Variants in ZDHHC21 observed in about 807,000 individuals in gnomAD.
ZDHHC21 encodes zDHHC palmitoyltransferase 21.
ZDHHC21 carries 15 observed loss-of-function variants against 34.6 expected under a neutral mutation model. The observed-to-expected ratio is 0.43, with a 90% confidence interval of 0.29 to 0.67. ZDHHC21 has a LOEUF of 0.67. Among genes scored for constraint, ZDHHC21 ranks in the 30% least tolerant of loss-of-function variants. The pLI is 0.14. For missense variants in ZDHHC21, 344 were observed against 327.7 expected, an observed-to-expected ratio of 1.05 and a Z score of -0.38; for synonymous variants, 142 against 101.8, an observed-to-expected ratio of 1.40 and a Z score of -2.38.
chr9:14,605,121 T>C, the ZDHHC21 span, among the ~76,000 whole-genome samples: 4 of 152,142 alleles, frequency 2.6e-5, no homozygotes, highest in Admixed American at 6.5e-5. Context: ...AATGGGCATT[T>C]AGGTTGTTTC....
At chr9:14,690,640 C>G (rs1003505546) in intron 1 of ZDHHC21, among the ~76,000 whole-genome samples, 1 of 152,134 alleles carries the variant, frequency 6.6e-6, no homozygotes, top group Non-Finnish European at 1.5e-5. Flanking sequence ...AAAAATGTCA[C>G]AATTTTGCCT....
intron 8 of ZDHHC21, chr9:14,622,550 C>T: frequency 1.0e-6 from 1 of 985,168 alleles, no homozygotes; most frequent in Non-Finnish European, 1.2e-6. Context: ...CCTGAGAACC[C>T]AGTCCTCTTG....
At position 14,633,033 on chromosome 9, in the gene ZDHHC21, C is replaced by T. The variant is rs559666242; in HGVS notation, c.621+6863G>A. Among the ~76,000 whole-genome samples the T allele has an allele frequency of 8.5e-5, 13 of 152,212 alleles. No individual in the cohort carries two copies. The East Asian group carries it at 2.5e-3, about 29-fold the overall frequency. On this transcript the variant is annotated intron_variant, in intron 8 of 9. Transcript: ENST00000380916. ...TTCTTTAAAAGATAAATGTAGTTTC[C>T]ATTAGACTCAGCAATTCCACTTCTA...
chr9:14,691,516 A>C (rs2131726845), intron 1 of ZDHHC21, among the ~76,000 whole-genome samples: 2 of 152,356 alleles, frequency 1.3e-5, no homozygotes, highest in East Asian at 3.9e-4. Flanking sequence ...AGTACATGTT[A>C]TGATTCATTG....
chr9:14,693,052 C>T (rs1205750802), intron 1 of ZDHHC21, among the ~76,000 whole-genome samples, 177 bp downstream of exon 1: 1 of 151,564 alleles, frequency 6.6e-6, no homozygotes, highest in Non-Finnish European at 1.5e-5. Context: ...ACCGAGAAAC[C>T]CCCGGGTTCC....
At chr9:14,636,878 C>A (rs1414611737) in intron 8 of ZDHHC21, among the ~76,000 whole-genome samples, 1 of 151,862 alleles carries the variant, frequency 6.6e-6, no homozygotes, top group African/African-American at 2.4e-5. Flanking sequence ...CGAAACATAC[C>A]AAAACCTATG....
chr9:14,690,591 C>G (rs1839019131), intron 1 of ZDHHC21, among the ~76,000 whole-genome samples: 1 of 152,090 alleles, frequency 6.6e-6, no homozygotes, highest in Non-Finnish European at 1.5e-5. Flanking sequence ...AGAAATAGCA[C>G]AGAGGAAAAA....
intron 3 of ZDHHC21, among the ~76,000 whole-genome samples, chr9:14,676,604 T>A (rs1049055768): frequency 6.6e-6 from 1 of 151,994 alleles, no homozygotes; most frequent in Non-Finnish European, 1.5e-5. Context: ...AAAACAGAAA[T>A]AGTGCCCAGG....
At chr9:14,690,418 A>C (rs1173391543) in intron 1 of ZDHHC21, 33 bp from the exon 2 acceptor site, 1 of 449,504 alleles carries the variant, frequency 2.2e-6, no homozygotes, top group Non-Finnish European at 4.4e-6. Context: ...TAAAATCAGA[A>C]GCTTGGTTGA....
chr9:14,664,126 C>G (rs1481741224), intron 5 of ZDHHC21, among the ~76,000 whole-genome samples: 1 of 152,122 alleles, frequency 6.6e-6, no homozygotes, highest in African/African-American at 2.4e-5. Context: ...GAGTGCCAGA[C>G]AGTGGGCGCA....
rs756816766 is a variant in ZDHHC21 at position 14,613,205 on chromosome 9, A to G, written c.*5761T>C. ...TTGCCAGAGCAGCATGCAAAAAATA[A>G]GATCTGTTAATCAAACTGTTCTTAG... On this transcript the variant is annotated 3_prime_UTR_variant, in exon 10 of 10. Transcript: ENST00000380916. 2.0e-5 allele frequency: 3 copies of G among 151,974 alleles called. No individual in the cohort carries two copies. Among genetic ancestry groups the G allele is most frequent in the Non-Finnish European group, 4.4e-5 (3 of 67,892 alleles). 9.4% of individuals were successfully genotyped at this position (151,974 alleles called of 1,614,324 possible). A position where few individuals can be genotyped will look rare whatever the true frequency, so the allele number is the denominator to read the frequency against.
intron 7 of ZDHHC21, among the ~76,000 whole-genome samples, chr9:14,657,137 T>C (rs1009901434): frequency 6.6e-6 from 1 of 152,044 alleles, no homozygotes; most frequent in Non-Finnish European, 1.5e-5. Flanking sequence ...TCAAACGTCT[T>C]AATACTTCAT....
intron 5 of ZDHHC21, among the ~76,000 whole-genome samples, chr9:14,663,628 T>C (rs1328300982): frequency 6.6e-6 from 1 of 152,014 alleles, no homozygotes; most frequent in African/African-American, 2.4e-5. Flanking sequence ...TGCTGGACTT[T>C]TATATAGTAA....
chr9:14,636,274 T>C (rs1161948457), intron 8 of ZDHHC21, among the ~76,000 whole-genome samples: 1 of 152,164 alleles, frequency 6.6e-6, no homozygotes, highest in African/African-American at 2.4e-5. Flanking sequence ...CTAGCTATAC[T>C]TATATCAGAT....
chr9:14,627,342 T>G (rs1826450566), intron 8 of ZDHHC21, among the ~76,000 whole-genome samples: 1 of 152,274 alleles, frequency 6.6e-6, no homozygotes, highest in South Asian at 2.1e-4. Context: ...AAGTAAACAT[T>G]AACTTGCTGA....
At chr9:14,639,035 T>A (rs945040914) in intron 8 of ZDHHC21, among the ~76,000 whole-genome samples, 1 of 152,052 alleles carries the variant, frequency 6.6e-6, no homozygotes, top group Non-Finnish European at 1.5e-5. Context: ...ACAATCAGTA[T>A]ATCAAAGGGA....
At chr9:14,603,199 C>T in the ZDHHC21 span, among the ~76,000 whole-genome samples, 2 of 151,684 alleles carry the variant, frequency 1.3e-5, no homozygotes, top group African/African-American at 4.8e-5. Flanking sequence ...TTAAACTATC[C>T]CTCAATAAAG....
the ZDHHC21 span, among the ~76,000 whole-genome samples, chr9:14,598,953 G>C: frequency 0.032 from 4,831 of 152,084 alleles, 107 homozygotes; most frequent in Non-Finnish European, 0.045. Flanking sequence ...TGTAGAGACA[G>C]GGTTTCACCA....
At chr9:14,589,622 G>T in the ZDHHC21 span, 2 of 151,838 alleles carry the variant, frequency 1.3e-5, no homozygotes, top group African/African-American at 4.8e-5. Context: ...CTGCAAGGCT[G>T]AACAAAAAAA....
Sources: gnomAD v4.1 joint callset for allele counts (sites outside exome capture counted in the v4.1 genomes callset) on GRCh38, gnomAD v4.1.1 for gene constraint, MANE v1.5 for transcripts, NCBI Gene and HGNC (gene_info 2026-07-23, HGNC 2026-07-21) for gene names.